The following MAP1B variants were observed in gnomAD, a reference collection of about 807,000 sequenced individuals.
MAP1B encodes the protein microtubule-associated protein 1B.
Under a neutral mutation model 176.1 loss-of-function variants are expected in MAP1B, and 12 were observed. The observed-to-expected ratio is 0.07, with a 90% CI of 0.04 to 0.11. The LOEUF (loss-of-function observed/expected upper bound fraction) is 0.11. MAP1B is among the 10% of genes least tolerant of loss of function. The pLI is 1.00. For synonymous variants in MAP1B, 1,044 were observed against 1,135.0 expected, an observed-to-expected ratio of 0.92 and a Z score of 1.61; for missense variants, 2,523 against 2,990.5, an observed-to-expected ratio of 0.84 and a Z score of 3.65.
intron 1 of MAP1B, among the ~76,000 whole-genome samples, chr5:72,113,482 A>C (rs10078042): frequency 0.15 from 23,501 of 152,260 alleles, 2,398 homozygotes; most frequent in Non-Finnish European, 0.22. Flanking sequence ...TAAAATATGT[A>C]TGAAAATATA....
chr5:72,192,120 C>A (rs556871797), intron 4 of MAP1B, among the ~76,000 whole-genome samples: 4 of 152,212 alleles, frequency 2.6e-5, no homozygotes, highest in Non-Finnish European at 5.9e-5. Flanking sequence ...CTAGATTTGC[C>A]CCCTAAAACA....
chr5:72,158,454 A>G (rs1203644434), intron 2 of MAP1B, among the ~76,000 whole-genome samples: 1 of 152,176 alleles, frequency 6.6e-6, no homozygotes, highest in Non-Finnish European at 1.5e-5. Flanking sequence ...TGGAGAAAAG[A>G]AAGAGGAGAG....
intron 2 of MAP1B, among the ~76,000 whole-genome samples, chr5:72,178,539 G>A (rs952023060): frequency 6.6e-6 from 1 of 152,200 alleles, no homozygotes. Context: ...GGCAGAGATG[G>A]GGACAGGACG....
chr5:72,164,652 A>G (rs1746392508), intron 2 of MAP1B, among the ~76,000 whole-genome samples: 1 of 152,142 alleles, frequency 6.6e-6, no homozygotes, highest in East Asian at 1.9e-4. Flanking sequence ...TAACCAGGGA[A>G]CCAGCGCAGT....
chr5:72,152,692 C>T (rs1413975397), intron 2 of MAP1B, among the ~76,000 whole-genome samples: 1 of 152,138 alleles, frequency 6.6e-6, no homozygotes, highest in Admixed American at 6.5e-5. Context: ...AGTGATTCAC[C>T]CAGAATGCTG....
At chr5:72,145,374 TA>T (rs34274192) in intron 2 of MAP1B, among the ~76,000 whole-genome samples, 10,421 of 144,880 alleles carry the variant, frequency 0.072, 409 homozygotes, top group Middle Eastern at 0.099. Flanking sequence ...CCCATATGCT[TA>T]AAAAAAAAAA....
intron 2 of MAP1B, among the ~76,000 whole-genome samples, chr5:72,180,244 A>C (rs1191399462): frequency 6.6e-6 from 1 of 152,238 alleles, no homozygotes; most frequent in African/African-American, 2.4e-5. Flanking sequence ...TTCCTGCAGA[A>C]TACAGACGTG....
intron 2 of MAP1B, among the ~76,000 whole-genome samples, chr5:72,152,876 G>A (rs1353163980): frequency 6.6e-6 from 1 of 152,182 alleles, no homozygotes; most frequent in Admixed American, 6.5e-5. Context: ...TGGGCCCCAG[G>A]CTGCTCTCAT....
intron 2 of MAP1B, among the ~76,000 whole-genome samples, chr5:72,152,633 G>GTTTCTGT: frequency 6.6e-6 from 1 of 152,142 alleles, no homozygotes; most frequent in Non-Finnish European, 1.5e-5. Flanking sequence ...TTTTAGTAGA[G>GTTTCTGT]ATGGGGTTTT....
At position 72,198,052 on chromosome 5, in the gene MAP1B, C is replaced by A; in HGVS notation, c.4697C>A (p.Thr1566Lys). 6.2e-7 allele frequency: 1 copy of A among 1,614,232 alleles called. No homozygotes were observed. Among genetic ancestry groups the A allele is most frequent in the Non-Finnish European group, 8.5e-7 (1 of 1,180,040 alleles). The change falls in exon 5 of 7, where the codon ACA (threonine) becomes AAA (lysine). Residue 1566 changes from threonine (T) to lysine (K), a missense_variant. By Grantham distance (78) the Thr-to-Lys change is moderately conservative. This residue lies in a region of MAP1B where 1,925 missense variants were observed against 2,126.0 expected (regional missense o/e 0.91). Coordinates refer to ENST00000296755, the MANE Select transcript of MAP1B (RefSeq NM_005909.5). ...GCTACGAGCTCATTTCCAGAGCCAA[C>A]AACAGATGATGTGTCTCCATCTCTG... ...SVATSSFPEP[T>K]TDDVSPSLHA...
At chr5:72,121,884 G>A (rs1745536180) in intron 2 of MAP1B, among the ~76,000 whole-genome samples, 1 of 152,186 alleles carries the variant, frequency 6.6e-6, no homozygotes, top group Admixed American at 6.5e-5. Context: ...TGTTCTAGCG[G>A]CATTCAAGGG....
chr5:72,156,013 C>G (rs532321425), intron 2 of MAP1B, among the ~76,000 whole-genome samples: 1 of 152,126 alleles, frequency 6.6e-6, no homozygotes, highest in African/African-American at 2.4e-5. Flanking sequence ...GTGATCCACC[C>G]GCCTTGGCCT....
chr5:72,165,285 T>G (rs1746403748), intron 2 of MAP1B, among the ~76,000 whole-genome samples: 1 of 152,208 alleles, frequency 6.6e-6, no homozygotes, highest in African/African-American at 2.4e-5. Context: ...CCTACTAGAA[T>G]GGAAGTCTTG....
chr5:72,187,013 A>G (rs904857521), intron 4 of MAP1B, among the ~76,000 whole-genome samples: 1 of 152,252 alleles, frequency 6.6e-6, no homozygotes, highest in African/African-American at 2.4e-5. Context: ...TCAACACTTT[A>G]CAGATGGTAA....
intron 2 of MAP1B, among the ~76,000 whole-genome samples, chr5:72,123,587 C>A (rs1269298371): frequency 6.6e-6 from 1 of 152,006 alleles, no homozygotes. Flanking sequence ...CAGGTTCACG[C>A]CATTCTCCTG....
At chr5:72,181,763 C>T (rs1375226898) in intron 2 of MAP1B, among the ~76,000 whole-genome samples, 2 of 145,238 alleles carry the variant, frequency 1.4e-5, no homozygotes, top group Admixed American at 7.0e-5. Context: ...GCACTGTTGT[C>T]GGGGCTGGAG....
intron 2 of MAP1B, among the ~76,000 whole-genome samples, chr5:72,182,573 C>T (rs866027815): frequency 1.6e-4 from 25 of 152,230 alleles, no homozygotes; most frequent in Admixed American, 6.5e-5. Flanking sequence ...GCTTTCAAAT[C>T]CACCTGGAAG....
chr5:72,169,150 C>T (rs186355540), intron 2 of MAP1B, among the ~76,000 whole-genome samples: 411 of 152,220 alleles, frequency 2.7e-3, no homozygotes, highest in African/African-American at 9.4e-3. Context: ...TGAAATCTAA[C>T]GATGCCTCAT....
At position 72,200,089 on chromosome 5, in the gene MAP1B, C is replaced by T; in HGVS notation, c.6734C>T (p.Thr2245Ile). ...LKKDLKEKTK[T>I]KKPGTKTKSS... The stretch of plus-strand genomic sequence containing the variant: ...AAAGATCTGAAAGAGAAGACCAAAA[C>T]CAAAAAGCCAGGTACAAAGACCAAG... Residue 2245 changes from threonine (T) to isoleucine (I), a missense_variant, in exon 5 of 7, where the codon ACC becomes ATC. Coordinates refer to ENST00000296755, the MANE Select transcript of MAP1B (RefSeq NM_005909.5). 2 of 1,614,166 alleles carry T rather than the reference C, an allele frequency of 1.2e-6. No homozygotes were observed. The highest frequency in any genetic ancestry group is 1.7e-6 in the Non-Finnish European group (2 of 1,180,036).
Sources: gnomAD v4.1 joint callset for allele counts (sites outside exome capture counted in the v4.1 genomes callset) on GRCh38, gnomAD v4.1.1 for gene constraint, gnomAD v4.1.1 regional missense constraint, MANE v1.5 for transcripts, NCBI Gene and HGNC (gene_info 2026-07-23, HGNC 2026-07-21) for gene names.